CAMK4: variants seen among roughly 807,000 people sequenced by gnomAD.
The protein encoded by CAMK4 is calcium/calmodulin dependent protein kinase IV.
CAMK4 carries 22 observed loss-of-function variants against 44.9 expected under a neutral mutation model. That is an observed-to-expected ratio of 0.49 (90% CI 0.35 to 0.70). The LOEUF (loss-of-function observed/expected upper bound fraction) is 0.70. CAMK4 is among the 30% of genes least tolerant of loss of function. CAMK4 has a pLI of 0.01. For missense variants in CAMK4, 498 were observed against 586.8 expected, an observed-to-expected ratio of 0.85 and a Z score of 1.56; for synonymous variants, 218 against 215.4, an observed-to-expected ratio of 1.01 and a Z score of -0.11.
chr5:111,278,891 C>T (rs1010669224), intron 1 of CAMK4, among the ~76,000 whole-genome samples: 2 of 152,110 alleles, frequency 1.3e-5, no homozygotes, highest in East Asian at 1.9e-4. Flanking sequence ...AGTGGGAAAA[C>T]TAACCCTGGA....
intron 4 of CAMK4, among the ~76,000 whole-genome samples, chr5:111,381,894 G>A (rs1751430457): frequency 6.6e-6 from 1 of 150,664 alleles, no homozygotes; most frequent in Non-Finnish European, 1.5e-5. Flanking sequence ...AGCAAGCAGG[G>A]TGAAAAGCAG....
chr5:111,420,221 C>CA (rs1212363597), intron 5 of CAMK4, among the ~76,000 whole-genome samples: 3 of 152,032 alleles, frequency 2.0e-5, no homozygotes, highest in Non-Finnish European at 2.9e-5. Context: ...AATGGGAGTT[C>CA]ACTCATAATT....
intron 1 of CAMK4, among the ~76,000 whole-genome samples, chr5:111,299,718 G>A (rs993629269): frequency 1.8e-4 from 28 of 152,192 alleles, no homozygotes; most frequent in African/African-American, 4.6e-4. Context: ...ACCAGCATTC[G>A]TAGCTAGTGC....
chr5:111,422,664 C>A (rs1753074745), intron 5 of CAMK4, among the ~76,000 whole-genome samples: 1 of 152,182 alleles, frequency 6.6e-6, no homozygotes, highest in Admixed American at 6.5e-5. Flanking sequence ...TGGCCCATTT[C>A]TTAATGTCTG....
At chr5:111,366,656 A>G (rs889055664) in intron 2 of CAMK4, among the ~76,000 whole-genome samples, 6 of 152,028 alleles carry the variant, frequency 3.9e-5, no homozygotes, top group African/African-American at 1.4e-4. Context: ...TTAGTGAAGG[A>G]TCTGTGTTTC....
At chr5:111,270,507 A>G (rs1005132181) in intron 1 of CAMK4, among the ~76,000 whole-genome samples, 13 of 152,160 alleles carry the variant, frequency 8.5e-5, no homozygotes, top group Admixed American at 7.9e-4. Flanking sequence ...TGACATCCCA[A>G]CCTTGGATCA....
chr5:111,357,005 G>A (rs1479526129), intron 2 of CAMK4, among the ~76,000 whole-genome samples: 1 of 152,032 alleles, frequency 6.6e-6, no homozygotes, highest in Admixed American at 6.6e-5. Context: ...AGGCCTGAGT[G>A]CTGTTGCCCA....
intron 2 of CAMK4, among the ~76,000 whole-genome samples, chr5:111,371,271 T>C (rs1432563241): frequency 6.6e-6 from 1 of 152,164 alleles, no homozygotes; most frequent in Non-Finnish European, 1.5e-5. Context: ...ATTCTCCATT[T>C]TGTATTAGCA....
chr5:111,234,502 G>A (rs1303914290), intron 1 of CAMK4, among the ~76,000 whole-genome samples: 1 of 152,104 alleles, frequency 6.6e-6, no homozygotes, highest in Admixed American at 6.6e-5. Flanking sequence ...AGAGAAATAG[G>A]GTTTGTTTGC....
chr5:111,404,265 T>C (rs1310684448), intron 5 of CAMK4, among the ~76,000 whole-genome samples: 3 of 152,216 alleles, frequency 2.0e-5, no homozygotes, highest in African/African-American at 7.2e-5. Flanking sequence ...AAATGTATTA[T>C]AATTGGGCCC....
intron 5 of CAMK4, among the ~76,000 whole-genome samples, chr5:111,432,540 A>G (rs902896236): frequency 2.0e-5 from 3 of 151,278 alleles, no homozygotes; most frequent in African/African-American, 7.3e-5. Flanking sequence ...GAGGGGATAG[A>G]TACCCCCATT....
chr5:111,315,082 C>A (rs951236744), intron 1 of CAMK4, among the ~76,000 whole-genome samples: 1 of 151,912 alleles, frequency 6.6e-6, no homozygotes, highest in Admixed American at 6.6e-5. Flanking sequence ...TGCTTATTGC[C>A]GAATTAGCTG....
chr5:111,391,414 A>G (rs1303241752), intron 4 of CAMK4, among the ~76,000 whole-genome samples: 1 of 152,160 alleles, frequency 6.6e-6, no homozygotes, highest in Non-Finnish European at 1.5e-5. Flanking sequence ...TAGTTCCAAT[A>G]GAGAATGATT....
chr5:111,388,181 A>G (rs1306709137), intron 4 of CAMK4, among the ~76,000 whole-genome samples: 1 of 152,178 alleles, frequency 6.6e-6, no homozygotes, highest in Non-Finnish European at 1.5e-5. Flanking sequence ...CGGAGTTCAC[A>G]CTGAAATGAG....
chr5:111,273,211 G>A (rs1276685758), intron 1 of CAMK4, among the ~76,000 whole-genome samples: 2 of 152,036 alleles, frequency 1.3e-5, no homozygotes, highest in African/African-American at 4.8e-5. Context: ...TCATGCTAAT[G>A]GCCCAGCCAC....
chr5:111,299,393 C>G (rs1444300570), intron 1 of CAMK4, among the ~76,000 whole-genome samples: 1 of 152,144 alleles, frequency 6.6e-6, no homozygotes, highest in Non-Finnish European at 1.5e-5. Context: ...CTCTGTGATT[C>G]CTCGAGTGTT....
intron 1 of CAMK4, among the ~76,000 whole-genome samples, chr5:111,310,186 A>G (rs1748139586): frequency 6.6e-6 from 1 of 152,142 alleles, no homozygotes; most frequent in African/African-American, 2.4e-5. Context: ...CCACCTGTGC[A>G]AAGTTTCTCT....
intron 4 of CAMK4, among the ~76,000 whole-genome samples, chr5:111,377,980 C>T (rs145029043): frequency 1.2e-4 from 19 of 152,122 alleles, no homozygotes; most frequent in Non-Finnish European, 2.6e-4. Context: ...GTTTTGAATG[C>T]GTTGAGAGAG....
At chr5:111,326,483 CA>C (rs1445833410) in intron 1 of CAMK4, among the ~76,000 whole-genome samples, 1 of 151,540 alleles carries the variant, frequency 6.6e-6, no homozygotes, top group East Asian at 1.9e-4. Context: ...CTCCAGAGCC[CA>C]GATATTTTCA....
Sources: gnomAD v4.1 joint callset for allele counts (sites outside exome capture counted in the v4.1 genomes callset) on GRCh38, gnomAD v4.1.1 for gene constraint, MANE v1.5 for transcripts, NCBI Gene and HGNC (gene_info 2026-07-23, HGNC 2026-07-21) for gene names.